The following SEL1L3 variants were observed in gnomAD, a reference collection of about 807,000 sequenced individuals.
SEL1L3 encodes the protein protein sel-1 homolog 3.
A neutral mutation model predicts 142.8 loss-of-function variants in SEL1L3; 76 were observed. The observed-to-expected ratio is 0.53, with a 90% CI of 0.44 to 0.64. The LOEUF is 0.64. Ranked by LOEUF, SEL1L3 falls within the 30% of genes least tolerant of loss-of-function variation. The pLI is 0.00. For synonymous variants in SEL1L3, 504 were observed against 519.6 expected, an observed-to-expected ratio of 0.97 and a Z score of 0.41; for missense variants, 1,262 against 1,381.7, an observed-to-expected ratio of 0.91 and a Z score of 1.37.
intron 9 of SEL1L3, among the ~76,000 whole-genome samples, chr4:25,815,730 C>A (rs1253581989): frequency 6.6e-6 from 1 of 151,920 alleles, no homozygotes; most frequent in Non-Finnish European, 1.5e-5. Context: ...CCAACGGAAA[C>A]CTGGAATTAT....
chr4:25,754,716 C>T (rs1433496679), intron 23 of SEL1L3, among the ~76,000 whole-genome samples: 1 of 152,094 alleles, frequency 6.6e-6, no homozygotes, highest in Admixed American at 6.6e-5. Context: ...GGCTTACCTA[C>T]TGAACCAAAA....
chr4:25,819,514 G>A (rs1040407080), intron 8 of SEL1L3, among the ~76,000 whole-genome samples: 16 of 152,152 alleles, frequency 1.1e-4, no homozygotes, highest in Non-Finnish European at 1.5e-5. Flanking sequence ...TGGGAATAAC[G>A]CCATGCGAAG....
chr4:25,746,202 A>T (rs1717256015), downstream of SEL1L3, among the ~76,000 whole-genome samples: 2 of 151,954 alleles, frequency 1.3e-5, no homozygotes, highest in African/African-American at 2.4e-5. Context: ...TGTGGCAAAA[A>T]ATATAAAAAA....
Position 25,788,470 on chromosome 4 carries a change from G to A in SEL1L3, c.2077-106C>T, listed in dbSNP as rs1712024694. The A allele has an allele frequency of 8.4e-7, 1 of 1,184,962 alleles. No individual in the cohort carries two copies. 73.4% of individuals were successfully genotyped at this position (1,184,962 alleles called of 1,614,324 possible). A position where few individuals can be genotyped will look rare whatever the true frequency, so the allele number is the denominator to read the frequency against. On this transcript the variant is annotated intron_variant, in intron 12 of 23. Transcript: ENST00000399878. The surrounding 1 kb of genome is among the most constrained non-coding windows in gnomAD (Gnocchi z 5.3). The stretch of plus-strand genomic sequence containing the variant: ...CCTACTTTACGATGTTTTAGATTGA[G>A]AACCAAGGATTAGATACACTTTATC...
intron 11 of SEL1L3, among the ~76,000 whole-genome samples, chr4:25,791,585 G>A (rs1424680039): frequency 1.3e-5 from 2 of 152,206 alleles, no homozygotes; most frequent in African/African-American, 4.8e-5. Context: ...AATTGGGTCT[G>A]CACTAGTTTG....
chr4:25,822,694 G>T (rs769977575), intron 6 of SEL1L3, among the ~76,000 whole-genome samples: 6 of 152,186 alleles, frequency 3.9e-5, no homozygotes, highest in Non-Finnish European at 1.5e-5. Context: ...AGAGGGTTTG[G>T]CCGGAGATGA....
At chr4:25,731,665 A>T in the SEL1L3 span, among the ~76,000 whole-genome samples, 1 of 152,220 alleles carries the variant, frequency 6.6e-6, no homozygotes, top group Non-Finnish European at 1.5e-5. Flanking sequence ...TTAATAGTTC[A>T]TTCCTTCTTA....
chr4:25,817,597 G>A (rs1053212650), intron 9 of SEL1L3, among the ~76,000 whole-genome samples: 3 of 152,170 alleles, frequency 2.0e-5, no homozygotes, highest in South Asian at 2.1e-4. Context: ...GGGCTCAGAC[G>A]GGTCAGATCC....
At position 25,767,568 on chromosome 4, in the gene SEL1L3, T is replaced by C; in HGVS notation, c.2802A>G (p.Arg934=). 1 of 1,602,132 alleles carries C rather than the reference T, an allele frequency of 6.2e-7. No individual in the cohort carries two copies. Among genetic ancestry groups the C allele is most frequent in the Non-Finnish European group, 8.5e-7 (1 of 1,172,362 alleles). ...RRYLGVNCVW[R]YYNFSVFQID... ...TTTGAAAAACAGAGAAATTATAGTA[T>C]CTCCAAACACAGTTAACACCCAAGT... Residue 934 remains arginine (R), a synonymous_variant, in exon 19 of 24, where the codon AGA becomes AGG. Coordinates refer to ENST00000399878, the MANE Select transcript of SEL1L3 (RefSeq NM_015187.5).
chr4:25,826,603 A>G (rs1486066556), intron 6 of SEL1L3, among the ~76,000 whole-genome samples: 2 of 152,122 alleles, frequency 1.3e-5, no homozygotes. Flanking sequence ...TCAGGAGTAC[A>G]GGCAGGGCAG....
intron 13 of SEL1L3, among the ~76,000 whole-genome samples, chr4:25,785,238 G>T (rs745780742): frequency 1.3e-5 from 2 of 152,194 alleles, no homozygotes; most frequent in African/African-American, 4.8e-5. Context: ...ATAGTAAATG[G>T]AAACAGCGCT....
chr4:25,790,238 C>T (rs6824672), intron 12 of SEL1L3, among the ~76,000 whole-genome samples: 2,098 of 152,218 alleles, frequency 0.014, 50 homozygotes, highest in African/African-American at 0.048. Flanking sequence ...GGCCATGGCC[C>T]GACTGTAATG....
intron 23 of SEL1L3, among the ~76,000 whole-genome samples, chr4:25,750,578 G>A (rs569831223): frequency 6.6e-6 from 1 of 152,290 alleles, no homozygotes; most frequent in Admixed American, 6.5e-5. Context: ...TCTGGATCTA[G>A]CAGGGACCAG....
chr4:25,832,151 A>G (rs973779966), intron 5 of SEL1L3, among the ~76,000 whole-genome samples: 1 of 152,250 alleles, frequency 6.6e-6, no homozygotes, highest in African/African-American at 2.4e-5. Flanking sequence ...GACTCTTCTC[A>G]GGAAAGCAGC....
At chr4:25,745,971 GT>G (rs1306427932), downstream of SEL1L3, among the ~76,000 whole-genome samples, 36 of 152,314 alleles carry the variant, frequency 2.4e-4, no homozygotes, top group Admixed American at 1.6e-3. Context: ...TCTTTCTTAT[GT>G]TATAAAAATA....
At chr4:25,796,296 CT>C (rs1486374531) in intron 11 of SEL1L3, among the ~76,000 whole-genome samples, 12 of 152,116 alleles carry the variant, frequency 7.9e-5, no homozygotes, top group African/African-American at 2.9e-4. Context: ...GTGTCATCAA[CT>C]TCAGGAAAGC....
chr4:25,849,993 C>T lies in SEL1L3; in HGVS notation c.163-2129G>A, dbSNP rs74341386. Among the ~76,000 whole-genome samples, 83 of 152,046 alleles carry T rather than the reference C, an allele frequency of 5.5e-4. 1 individual carries two copies. The East Asian group carries it at 0.013, about 23-fold the overall frequency. On this transcript the variant is annotated intron_variant, in intron 1 of 23. Coordinates refer to ENST00000399878, the MANE Select transcript of SEL1L3 (RefSeq NM_015187.5). Reference sequence around the variant, plus strand: ...GGTATCTCAGTTGGGCTTTGAGGGACGAAAAGAAGTTCTTCACGTAGAGAC... The same window carrying T: ...GGTATCTCAGTTGGGCTTTGAGGGATGAAAAGAAGTTCTTCACGTAGAGAC...
chr4:25,755,428 G>A (rs1013861858), intron 23 of SEL1L3, among the ~76,000 whole-genome samples: 2 of 151,942 alleles, frequency 1.3e-5, no homozygotes, highest in Non-Finnish European at 2.9e-5. Context: ...CTTTATTTGG[G>A]CAAGCTACTT....
chr4:25,797,110 A>C (rs1304081031), intron 11 of SEL1L3, among the ~76,000 whole-genome samples: 1 of 150,742 alleles, frequency 6.6e-6, no homozygotes, highest in Non-Finnish European at 1.5e-5. Context: ...AGTGGAAAAG[A>C]GAGAAAGAGA....
Sources: gnomAD v4.1 joint callset for allele counts (sites outside exome capture counted in the v4.1 genomes callset) on GRCh38, gnomAD v4.1.1 for gene constraint, Gnocchi (gnomAD v3.1) non-coding constraint, MANE v1.5 for transcripts, NCBI Gene and HGNC (gene_info 2026-07-23, HGNC 2026-07-21) for gene names.